The following EDEM3 variants were observed in gnomAD, a reference collection of about 807,000 sequenced individuals.
The protein encoded by EDEM3 is ER degradation-enhancing alpha-mannosidase-like protein 3.
Under a neutral mutation model 110.2 loss-of-function variants are expected in EDEM3, and 60 were observed. The ratio of observed to expected loss-of-function variants is 0.54; its 90% CI spans 0.44 to 0.67. The LOEUF is 0.67. EDEM3 is among the 30% of genes least tolerant of loss of function. The probability of loss-of-function intolerance (pLI) is 0.00; values close to 1 mark genes in which losing one functional copy is unlikely to be tolerated. For synonymous variants in EDEM3, 352 were observed against 382.9 expected (o/e 0.92, Z 0.94); for missense variants, 996 against 1,121.0 (o/e 0.89, Z 1.59).
chr1:184,731,072 G>C (rs1384572831), intron 6 of EDEM3, among the ~76,000 whole-genome samples: 1 of 152,182 alleles, frequency 6.6e-6, no homozygotes, highest in African/African-American at 2.4e-5. Flanking sequence ...TTAGATTTTA[G>C]TGATACTGGT....
chr1:184,734,539 T>A lies in EDEM3; in HGVS notation c.450A>T (p.Arg150Ser). 6.8e-7 allele frequency: 1 copy of A among 1,461,458 alleles called. No homozygotes were observed. The allele number at this position is 1,461,458 out of a possible 1,614,324, so 90.5% of individuals were successfully genotyped here. Residue 150 changes from arginine to serine, a missense_variant, in exon 5 of 20, where the codon AGA becomes AGT. By Grantham distance (110) the Arg-to-Ser change is moderately radical. Coordinates refer to ENST00000318130, the MANE Select transcript of EDEM3 (RefSeq NM_025191.4). ...GTGTCTTTCATACTTACCCAAGAAC[T>A]CTGATGTTTGTTTCAAAGACTGATA... The part of the protein sequence containing the change: ...VVVSVFETNI[R>S]VLGGLLGGHS...
rs1369534855 is a variant in EDEM3 at position 184,691,411 on chromosome 1, G to A, written c.*2652C>T. 6.6e-6 allele frequency: 1 copy of A among 152,326 alleles called. No homozygotes were observed. Among genetic ancestry groups the A allele is most frequent in the Non-Finnish European group, 1.5e-5 (1 of 67,950 alleles). 9.4% of individuals were successfully genotyped at this position (152,326 alleles called of 1,614,324 possible). A position where few individuals can be genotyped will look rare whatever the true frequency, so the allele number is the denominator to read the frequency against. On this transcript the variant is annotated 3_prime_UTR_variant, in exon 20 of 20. Coordinates refer to ENST00000318130, the MANE Select transcript of EDEM3 (RefSeq NM_025191.4). ...CTCTAATATCTCTTAAAGGATTTCA[G>A]CTAAAATCCTTGATTCCAGATTTGT... is the stretch of plus-strand genomic sequence containing the variant.
At chr1:184,736,851 T>C (rs1483340520) in intron 4 of EDEM3, among the ~76,000 whole-genome samples, 174 bp downstream of exon 4, 1 of 152,198 alleles carries the variant, frequency 6.6e-6, no homozygotes, top group Non-Finnish European at 1.5e-5. Context: ...TTATATTACA[T>C]AATTCCATTT....
Position 184,723,721 on chromosome 1 carries a change from G to T in EDEM3, c.853+30C>A, listed in dbSNP as rs561996140. On this transcript the variant is annotated intron_variant, in intron 8 of 19. Coordinates refer to ENST00000318130, the MANE Select transcript of EDEM3 (RefSeq NM_025191.4). The stretch of plus-strand genomic sequence containing the variant: ...TTCCCAACCATTTTGAGGATGCAAA[G>T]GCTTGATTTAAAAAGCCTAACTTAC... The T allele has an allele frequency of 1.2e-4, 175 of 1,502,000 alleles. 1 individual carries two copies. In the South Asian group the frequency reaches 1.7e-3, roughly 15 times the overall value. 93.0% of individuals were successfully genotyped at this position (1,502,000 alleles called of 1,614,324 possible).
intron 19 of EDEM3, among the ~76,000 whole-genome samples, chr1:184,697,887 T>C (rs1219075657): frequency 2.8e-5 from 4 of 145,434 alleles, no homozygotes; most frequent in Non-Finnish European, 6.1e-5. Flanking sequence ...TTGGGAAAAT[T>C]GTGTGTGTGT....
rs186042377 is a variant in EDEM3 at position 184,695,360 on chromosome 1, G to T, written c.2390-888C>A. On this transcript the variant is annotated intron_variant, in intron 19 of 19. Coordinates refer to ENST00000318130, the MANE Select transcript of EDEM3 (RefSeq NM_025191.4). ...GTCTTATAGTCCAACGGGAGAAAAA[G>T]ATATTATACAAATAATCACGGAAAA... 4.1e-4 allele frequency among the ~76,000 whole-genome samples: 62 copies of T among 151,982 alleles called. No homozygotes were observed. In the East Asian group the frequency reaches 0.012, roughly 29 times the overall value.
chr1:184,696,616 GAATTCCAC>G (rs1010123522), intron 19 of EDEM3, among the ~76,000 whole-genome samples: 1 of 151,720 alleles, frequency 6.6e-6, no homozygotes, highest in Non-Finnish European at 1.5e-5. Flanking sequence ...GTGGATTGAG[GAATTCCAC>G]ACAATCTCTG....
Position 184,732,897 on chromosome 1 carries a change from C to T in EDEM3, c.552G>A (p.Lys184=), listed in dbSNP as rs760197678. 8.7e-6 allele frequency: 14 copies of T among 1,613,932 alleles called. No homozygotes were observed. The Admixed American group carries it at 2.3e-4, about 27-fold the overall frequency. Residue 184 remains lysine (K), a synonymous_variant, in exon 6 of 20, where the codon AAG becomes AAA. Coordinates refer to ENST00000318130, the MANE Select transcript of EDEM3 (RefSeq NM_025191.4). The part of the protein sequence containing the change: ...WYNDELLQMA[K]QLGYKLLPAF... ...CCGGTAAAAGTTTGTAACCTAACTG[C>T]TTTGCCATTTGGAGAAGTTCATCAT... is the stretch of plus-strand genomic sequence containing the variant.
At chr1:184,722,206 T>C (rs1265784074) in intron 8 of EDEM3, among the ~76,000 whole-genome samples, 2 of 152,004 alleles carry the variant, frequency 1.3e-5, no homozygotes, top group Admixed American at 1.3e-4. Flanking sequence ...CATATTTATA[T>C]ACATTTCATT....
At position 184,754,512 on chromosome 1, in the gene EDEM3, A is replaced by G. The variant is rs1652980417; in HGVS notation, c.135T>C (p.Ser45=). 6.2e-7 allele frequency: 1 copy of G among 1,611,232 alleles called. No homozygotes were observed. Residue 45 remains serine (S), a synonymous_variant, in exon 1 of 20, where the codon AGT becomes AGC. Coordinates refer to ENST00000318130, the MANE Select transcript of EDEM3 (RefSeq NM_025191.4). ...ACCCAAGCTTCTGTTTCTCCTCCCT[A>G]CTCATGGGCTCGGCCCCCGCCGTCC... is the stretch of plus-strand genomic sequence containing the variant. ...SVWTAGAEPM[S]REEKQKLGNQ...
rs1295882502 is a variant in EDEM3, at chr1:184,693,802, C to T, written c.*261G>A. 1.1e-5 allele frequency: 4 copies of T among 354,074 alleles called. No individual in the cohort carries two copies. The highest frequency in any genetic ancestry group is 4.4e-5 in the East Asian group (1 of 22,940). The allele number at this position is 354,074 out of a possible 1,614,324, so 21.9% of individuals were successfully genotyped here. A position where few individuals can be genotyped will look rare whatever the true frequency, so the allele number is the denominator to read the frequency against. On this transcript the variant is annotated 3_prime_UTR_variant, in exon 20 of 20. Transcript: ENST00000318130. Reference sequence around the variant, plus strand: ...GAATGCTCAGTAATCTTTCCCTGGCCTGAGGTGTTGCAGGGTGGTGCAGTG... The same window carrying T: ...GAATGCTCAGTAATCTTTCCCTGGCTTGAGGTGTTGCAGGGTGGTGCAGTG...
intron 19 of EDEM3, chr1:184,701,427 AGT>A: frequency 1.2e-6 from 1 of 858,220 alleles, no homozygotes; most frequent in Non-Finnish European, 1.5e-6. Flanking sequence ...TATGTACTTG[AGT>A]GTGTGTACAC....
In EDEM3 at chr1:184,691,772, G is replaced by A. The variant is rs1382087478; in HGVS notation, c.*2291C>T. ...ACATTATCTCCTCTTTTCTTAACTA[G>A]GGAAATATTGAGTATAATTCCTTCT... On this transcript the variant is annotated 3_prime_UTR_variant, in exon 20 of 20. Coordinates refer to ENST00000318130, the MANE Select transcript of EDEM3 (RefSeq NM_025191.4). 1 of 151,954 alleles carries A rather than the reference G, an allele frequency of 6.6e-6. No individual in the cohort carries two copies. Among genetic ancestry groups the A allele is most frequent in the Admixed American group, 6.6e-5 (1 of 15,238 alleles). The allele number at this position is 151,954 out of a possible 1,614,324, so 9.4% of individuals were successfully genotyped here.
In EDEM3 at chr1:184,725,749, C is replaced by T. The variant is rs10911643; in HGVS notation, c.747+506G>A. On this transcript the variant is annotated intron_variant, in intron 7 of 19. Coordinates refer to ENST00000318130, the MANE Select transcript of EDEM3 (RefSeq NM_025191.4). ...TTTTTTTAATGAGAGACATAGCTAGCCCACAACTATGTGGGGATATTAAGT... is the reference window on the plus strand; with the variant it reads ...TTTTTTTAATGAGAGACATAGCTAGTCCACAACTATGTGGGGATATTAAGT... Among the ~76,000 whole-genome samples the T allele has an allele frequency of 4.1e-3, 630 of 151,834 alleles. 5 individuals carry two copies. Among genetic ancestry groups the T allele is most frequent in the East Asian group, 0.035 (182 of 5,146 alleles).
rs137886195 is a variant in EDEM3 at position 184,706,685 on chromosome 1, G to A, written c.2161C>T (p.Arg721Cys). The A allele has an allele frequency of 1.5e-5, 25 of 1,613,138 alleles. No homozygotes were observed. The highest frequency in any genetic ancestry group is 2.2e-5 in the East Asian group (1 of 44,858). ...RGQCMFAEKA[R>C]NIQNAGAIGG... ...ATGGCTCCAGCATTCTGGATGTTGC[G>A]TGCCTTTTCTGCAAACATGCACTGT... The change falls in exon 18 of 20, where the codon CGC becomes TGC. Residue 721 changes from arginine (R) to cysteine (C), a missense_variant. Arg to Cys is a radical substitution (Grantham distance 180). Around this residue, in one of 5 missense-constraint regions of EDEM3, gnomAD observed 345 missense variants for 402.0 expected, o/e 0.86. Coordinates refer to ENST00000318130, the MANE Select transcript of EDEM3 (RefSeq NM_025191.4).
chr1:184,754,409 G>A, intron 1 of EDEM3, 80 bp downstream of exon 1: 6 of 1,589,404 alleles, frequency 3.8e-6, no homozygotes, highest in Non-Finnish European at 5.1e-6. Context: ...AGGCCACTAC[G>A]CGACCGGGTC....
chr1:184,707,355 T>C (rs947965363), intron 17 of EDEM3, among the ~76,000 whole-genome samples: 1 of 152,206 alleles, frequency 6.6e-6, no homozygotes, highest in African/African-American at 2.4e-5. Flanking sequence ...CACGTTACTA[T>C]AAAGATGTTT....
chr1:184,744,378 A>G (rs1481657595), intron 2 of EDEM3, among the ~76,000 whole-genome samples: 1 of 150,440 alleles, frequency 6.6e-6, no homozygotes, highest in East Asian at 1.9e-4. Flanking sequence ...AACTACCACT[A>G]TACACCCAAC....
chr1:184,749,382 T>C (rs1652621792), intron 2 of EDEM3, among the ~76,000 whole-genome samples, 165 bp downstream of exon 2: 1 of 152,150 alleles, frequency 6.6e-6, no homozygotes, highest in African/African-American at 2.4e-5. Context: ...TTCAATAAAC[T>C]GGTTCCCTAA....
Sources: allele counts gnomAD v4.1 joint callset (sites outside exome capture counted in the v4.1 genomes callset), GRCh38; gene constraint gnomAD v4.1.1; regional missense constraint gnomAD v4.1.1; transcripts MANE v1.5; gene names NCBI Gene and HGNC (gene_info 2026-07-23, HGNC 2026-07-21).